The following CLCA4 variants were observed in gnomAD, a reference collection of about 807,000 sequenced individuals.
CLCA4 encodes calcium-activated chloride channel regulator 4.
In CLCA4, 69 loss-of-function variants were observed where a neutral mutation model predicts 78.9. The ratio of observed to expected loss-of-function variants is 0.87; its 90% CI spans 0.72 to 1.07. The LOEUF is 1.07. Among genes scored for constraint, CLCA4 ranks in the 50% least tolerant of loss-of-function variants. The pLI is 0.00. For missense variants in CLCA4, 1,133 were observed against 1,095.8 expected (o/e 1.03, Z -0.48); for synonymous variants, 362 against 375.8 (o/e 0.96, Z 0.42).
At position 86,564,054 on chromosome 1, in the gene CLCA4, C is replaced by T. The variant is rs1341775287; in HGVS notation, c.557+285C>T. 2.0e-5 allele frequency among the ~76,000 whole-genome samples: 3 copies of T among 152,184 alleles called. No homozygotes were observed. In the South Asian group the frequency reaches 6.2e-4, roughly 31 times the overall value. ...GGCATGTAAATGGATATACAATATG[C>T]TGGGATAAGATCAAAGTTATTTACA... is the stretch of plus-strand genomic sequence containing the variant. On this transcript the variant is annotated intron_variant, in intron 4 of 13. Transcript: ENST00000370563.
chr1:86,551,052 C>G (rs1263912092), intron 1 of CLCA4, among the ~76,000 whole-genome samples: 2 of 151,862 alleles, frequency 1.3e-5, no homozygotes, highest in Admixed American at 6.6e-5. Flanking sequence ...AGGATGGTCT[C>G]AATCTCCTGA....
Position 86,547,253 on chromosome 1 carries a change from A to T in CLCA4, c.134A>T (p.Asp45Val). The change falls in exon 1 of 14, where the codon GAT (aspartate) becomes GTT (valine). Residue 45 changes from aspartate to valine, a missense_variant. Transcript: ENST00000370563. ...GTTATAGATCCTAGTGTGCCAGAAGATGAAAAAATAATTGAACAAATAGAG... is the reference window on the plus strand; with the variant it reads ...GTTATAGATCCTAGTGTGCCAGAAGTTGAAAAAATAATTGAACAAATAGAG... ...VIVIDPSVPE[D>V]EKIIEQIEDM... is the part of the protein sequence containing the mutation. 1 of 1,594,762 alleles carries T rather than the reference A, an allele frequency of 6.3e-7. No individual in the cohort carries two copies. The highest frequency in any genetic ancestry group is 1.2e-5 in the South Asian group (1 of 85,834).
At chr1:86,550,923 C>T (rs1649638313) in intron 1 of CLCA4, among the ~76,000 whole-genome samples, 1 of 151,088 alleles carries the variant, frequency 6.6e-6, no homozygotes, top group Non-Finnish European at 1.5e-5. Flanking sequence ...GCTCCGCCTC[C>T]CACGTTCACG....
At chr1:86,567,122 T>G (rs1450441253) in intron 6 of CLCA4, among the ~76,000 whole-genome samples, 1 of 151,904 alleles carries the variant, frequency 6.6e-6, no homozygotes, top group East Asian at 1.9e-4. Context: ...GTCTCTAAGA[T>G]GTGTCTCCTC....
In CLCA4 at chr1:86,567,423, G is replaced by T. The variant is rs1329946676; in HGVS notation, c.955-1G>T. The T allele has an allele frequency of 6.9e-6, 11 of 1,597,894 alleles. No homozygotes were observed. Among genetic ancestry groups the T allele is most frequent in the Non-Finnish European group, 9.4e-6 (11 of 1,171,640 alleles). Reference sequence around the variant, plus strand: ...TTGTTTTTCTTGTCTTTTTAATCTAGGGTAAGGACCGCCTAAATCGAATGA... The same window carrying T: ...TTGTTTTTCTTGTCTTTTTAATCTATGGTAAGGACCGCCTAAATCGAATGA... On this transcript the variant is annotated splice_acceptor_variant, in intron 6 of 13. Coordinates refer to ENST00000370563, the MANE Select transcript of CLCA4 (RefSeq NM_012128.4). LOFTEE classifies it high-confidence loss of function.
intron 12 of CLCA4, 61 bp downstream of exon 12, chr1:86,578,133 T>C (rs1650581009): frequency 6.9e-7 from 1 of 1,440,264 alleles, no homozygotes; most frequent in Middle Eastern, 1.8e-4. Context: ...TGATTTGATA[T>C]AATTAGGCTT....
rs781777767 is a variant in CLCA4, at chr1:86,578,062, G to C, written c.2112G>C (p.Trp704Cys). 5 of 1,609,250 alleles carry C rather than the reference G, an allele frequency of 3.1e-6. No individual in the cohort carries two copies. Among genetic ancestry groups the C allele is most frequent in the South Asian group, 1.1e-5 (1 of 90,184 alleles). Residue 704 changes from tryptophan to cysteine, a missense_variant, in exon 12 of 14, where the codon TGG becomes TGC. Trp to Cys is a radical substitution (Grantham distance 215, BLOSUM62 -2). Coordinates refer to ENST00000370563, the MANE Select transcript of CLCA4 (RefSeq NM_012128.4). ...PLNRAAYIPG[W>C]VVNGEIEANP... ...ATAGAGCCGCGTACATACCAGGCTGGGTAGTGAACGGTGAGTAACTCATGA... is the reference window on the plus strand; with the variant it reads ...ATAGAGCCGCGTACATACCAGGCTGCGTAGTGAACGGTGAGTAACTCATGA...
intron 12 of CLCA4, among the ~76,000 whole-genome samples, chr1:86,578,792 G>A (rs775102983): frequency 6.6e-6 from 1 of 151,494 alleles, no homozygotes; most frequent in African/African-American, 2.4e-5. Flanking sequence ...TACATATGCT[G>A]TAGAGTAAAC....
At chr1:86,575,003 T>A (rs986025687) in intron 10 of CLCA4, among the ~76,000 whole-genome samples, 2 of 151,674 alleles carry the variant, frequency 1.3e-5, no homozygotes, top group African/African-American at 4.8e-5. Context: ...GTAGGAAGAG[T>A]CTATGCAAAT....
rs151147840 is a variant in CLCA4 at position 86,572,345 on chromosome 1, G to A, written c.1361-269G>A. 5.3e-5 allele frequency among the ~76,000 whole-genome samples: 8 copies of A among 152,044 alleles called. No individual in the cohort carries two copies. The East Asian group carries it at 1.4e-3, about 26-fold the overall frequency. ...GTAAAGTTTGTGAGCTTTAATACAT[G>A]GAATTGTAACATCTTTCATATTCTA... On this transcript the variant is annotated intron_variant, in intron 8 of 13. Transcript: ENST00000370563.
intron 1 of CLCA4, chr1:86,553,169 G>A: frequency 4.5e-6 from 5 of 1,102,510 alleles, no homozygotes; most frequent in Non-Finnish European, 4.2e-6. Flanking sequence ...TGAGGATTGA[G>A]CGGCACAGGT....
rs776109382 is a variant in CLCA4, at chr1:86,571,137, G to GA, written c.1244dup (p.Asp416GlyfsTer2). ...CGAAGTACTGCTGCTGACTGATGGG[G>GA]AGGATAACACTGCAAGTTCTTGTAT... On this transcript the variant is annotated frameshift_variant, in exon 8 of 14. Coordinates refer to ENST00000370563, the MANE Select transcript of CLCA4 (RefSeq NM_012128.4). LOFTEE classifies it high-confidence loss of function. 1 of 1,612,808 alleles carries GA rather than the reference G, an allele frequency of 6.2e-7. No individual in the cohort carries two copies. The highest frequency in any genetic ancestry group is 8.5e-7 in the Non-Finnish European group (1 of 1,179,012).
chr1:86,558,769 T>G (rs748525810), intron 1 of CLCA4, among the ~76,000 whole-genome samples: 1 of 152,136 alleles, frequency 6.6e-6, no homozygotes, highest in Non-Finnish European at 1.5e-5. Context: ...ACCCCCATGA[T>G]TCAATTATCT....
At position 86,580,332 on chromosome 1, in the gene CLCA4, G is replaced by A. The variant is rs1266496885; in HGVS notation, c.2747G>A (p.Ser916Asn). ...GSVVIVNFIL[S>N]TTI is the part of the protein sequence containing the mutation. Reference sequence around the variant, plus strand: ...GTTGTAATTGTTAACTTTATTTTAAGTACCACCATTTGAACCTTAACGAAG... The same window carrying A: ...GTTGTAATTGTTAACTTTATTTTAAATACCACCATTTGAACCTTAACGAAG... Residue 916 changes from serine (S) to asparagine (N), a missense_variant, in exon 14 of 14, where the codon AGT becomes AAT. Coordinates refer to ENST00000370563, the MANE Select transcript of CLCA4 (RefSeq NM_012128.4). The A allele has an allele frequency of 1.9e-6, 3 of 1,587,268 alleles. No homozygotes were observed. In the African/African-American group the frequency reaches 4.1e-5, roughly 21 times the overall value.
intron 5 of CLCA4, 103 bp downstream of exon 5, chr1:86,565,554 T>C: frequency 8.7e-6 from 8 of 923,996 alleles, no homozygotes; most frequent in South Asian, 3.4e-5. Flanking sequence ...TATATTGATA[T>C]AGAGTTCTTT....
chr1:86,553,771 C>G (rs1238119243), intron 1 of CLCA4, among the ~76,000 whole-genome samples: 1 of 152,082 alleles, frequency 6.6e-6, no homozygotes, highest in Non-Finnish European at 1.5e-5. Flanking sequence ...CCTCTCTCTA[C>G]TAAAAAATAC....
At chr1:86,553,421 C>T (rs1415680670) in intron 1 of CLCA4, 5 of 400,704 alleles carry the variant, frequency 1.2e-5, no homozygotes, top group Non-Finnish European at 2.2e-5. Flanking sequence ...GGCGAGGCAG[C>T]AGAGATCCTC....
intron 1 of CLCA4, chr1:86,552,585 G>A: frequency 1.7e-6 from 1 of 601,454 alleles, no homozygotes; most frequent in South Asian, 1.9e-5. Context: ...GTGTCCACGC[G>A]TCAGACACAG....
At chr1:86,567,679 G>T in intron 7 of CLCA4, 28 bp downstream of exon 7, 2 of 1,582,232 alleles carry the variant, frequency 1.3e-6, no homozygotes, top group South Asian at 2.3e-5. Context: ...AATATATTTT[G>T]GTTTTTGTTT....
Sources: allele counts gnomAD v4.1 joint callset (sites outside exome capture counted in the v4.1 genomes callset), GRCh38; gene constraint gnomAD v4.1.1; transcripts MANE v1.5; gene names NCBI Gene and HGNC (gene_info 2026-07-23, HGNC 2026-07-21).